Variants in AUTS2 observed in about 807,000 individuals in gnomAD.
AUTS2 encodes the protein autism susceptibility gene 2 protein.
AUTS2 carries 17 observed loss-of-function variants against 112.4 expected under a neutral mutation model. That is an observed-to-expected ratio of 0.15 (90% confidence interval 0.10 to 0.23). The LOEUF (loss-of-function observed/expected upper bound fraction) is 0.23, where lower values mean the gene tolerates loss of function less well. Ranked by LOEUF, AUTS2 falls within the 10% of genes least tolerant of loss-of-function variation. AUTS2 has a pLI of 1.00. For synonymous variants in AUTS2, 751 were observed against 702.7 expected (o/e 1.07, Z -1.09); for missense variants, 1,510 against 1,701.6 (o/e 0.89, Z 1.98).
chr7:70,710,376 C>T (rs188848036), intron 6 of AUTS2, among the ~76,000 whole-genome samples: 170 of 152,270 alleles, frequency 1.1e-3, no homozygotes, highest in African/African-American at 3.8e-3. Flanking sequence ...TGTAGATAAT[C>T]GAAAGAATGT....
At chr7:69,600,279 CAG>C (rs1352092295) in intron 1 of AUTS2, among the ~76,000 whole-genome samples, 6 of 152,206 alleles carry the variant, frequency 3.9e-5, no homozygotes, top group Middle Eastern at 3.4e-3. Flanking sequence ...CCCCTCTCCA[CAG>C]AGAGCTCTGC....
chr7:70,578,879 A>G (rs960077284), intron 5 of AUTS2, among the ~76,000 whole-genome samples: 2 of 150,102 alleles, frequency 1.3e-5, no homozygotes, highest in Non-Finnish European at 3.0e-5. Context: ...TGCCTAAGTT[A>G]TATTATCTTT....
At chr7:69,795,833 G>A (rs547489785) in intron 1 of AUTS2, among the ~76,000 whole-genome samples, 60 of 152,290 alleles carry the variant, frequency 3.9e-4, no homozygotes, top group African/African-American at 1.2e-3. Flanking sequence ...AAGAGCTAGC[G>A]CCAGAACAAG....
intron 4 of AUTS2, among the ~76,000 whole-genome samples, chr7:70,269,119 CTG>C (rs1313177169): frequency 1.3e-5 from 2 of 152,176 alleles, no homozygotes; most frequent in Non-Finnish European, 2.9e-5. Context: ...CTTTGAATCT[CTG>C]TGGCATCTTG....
At chr7:69,894,280 A>ATTTTTTTTT (rs1794654066) in intron 1 of AUTS2, among the ~76,000 whole-genome samples, 1 of 20,860 alleles carries the variant, frequency 4.8e-5, no homozygotes, top group African/African-American at 2.3e-4. Flanking sequence ...TTTTTTTTTA[A>ATTTTTTTTT]CAGATTTCTT....
chr7:69,648,493 CT>C (rs1369528761), intron 1 of AUTS2, among the ~76,000 whole-genome samples: 2 of 148,764 alleles, frequency 1.3e-5, no homozygotes, highest in African/African-American at 4.9e-5. Context: ...TAAAGTTGGT[CT>C]TTAAAATTTT....
At chr7:70,753,250 G>GATGCA (rs1446678701) in intron 6 of AUTS2, among the ~76,000 whole-genome samples, 3 of 152,140 alleles carry the variant, frequency 2.0e-5, no homozygotes, top group Non-Finnish European at 4.4e-5. Context: ...TGTTTTGGCA[G>GATGCA]ATGCAATGGC....
At chr7:70,092,061 G>A (rs1803948336) in intron 2 of AUTS2, among the ~76,000 whole-genome samples, 1 of 105,258 alleles carries the variant, frequency 9.5e-6, no homozygotes, top group Non-Finnish European at 2.0e-5. Context: ...GCCAGTTACA[G>A]GTCTGTGACT....
intron 5 of AUTS2, among the ~76,000 whole-genome samples, chr7:70,559,725 A>G (rs1801399612): frequency 1.3e-5 from 2 of 152,186 alleles, no homozygotes; most frequent in South Asian, 4.2e-4. Context: ...AAACTCAGCA[A>G]TGACATGAGC....
Position 70,435,266 on chromosome 7 carries a change from G to C in AUTS2, c.661-486G>C, listed in dbSNP as rs371858949. ...CAAAGTTCAAATGAGTGACTACAAC[G>C]CCCAGAGGTTTACCTCTTTTCCTGT... On this transcript the variant is annotated intron_variant, in intron 4 of 18. Coordinates refer to ENST00000342771, the MANE Select transcript of AUTS2 (RefSeq NM_015570.4). Among the ~76,000 whole-genome samples the C allele has an allele frequency of 1.5e-3, 223 of 152,320 alleles. 11 individuals carry two copies. In the South Asian group the frequency reaches 0.045, roughly 31 times the overall value.
rs973715046 is a variant in AUTS2 at position 70,677,053 on chromosome 7, C to G, written c.691-21516C>G. Reference sequence around the variant, plus strand: ...AATTCTCCTGCTATTCACCAGAGACCTCCTAAATCAGCGATCCACCTGTCT... The same window carrying G: ...AATTCTCCTGCTATTCACCAGAGACGTCCTAAATCAGCGATCCACCTGTCT... On this transcript the variant is annotated intron_variant, in intron 5 of 18. Coordinates refer to ENST00000342771, the MANE Select transcript of AUTS2 (RefSeq NM_015570.4). Among the ~76,000 whole-genome samples the G allele has an allele frequency of 1.1e-4, 16 of 152,158 alleles. 1 individual carries two copies. Among genetic ancestry groups the G allele is most frequent in the Non-Finnish European group, 7.3e-5 (5 of 68,034 alleles).
intron 5 of AUTS2, among the ~76,000 whole-genome samples, chr7:70,614,905 C>G (rs896457157): frequency 6.6e-6 from 1 of 152,182 alleles, no homozygotes; most frequent in African/African-American, 2.4e-5. Context: ...CTAACCTGCA[C>G]CAGCACCCCA....
chr7:70,379,317 A>G (rs1485805284), intron 4 of AUTS2, among the ~76,000 whole-genome samples: 1 of 152,234 alleles, frequency 6.6e-6, no homozygotes, highest in South Asian at 2.1e-4. Flanking sequence ...CCTGGCCAAC[A>G]TGGTGAAACC....
chr7:70,436,643 C>G (rs56374900), intron 5 of AUTS2: 1 of 152,170 alleles, frequency 6.6e-6, no homozygotes, highest in African/African-American at 2.4e-5. Flanking sequence ...TCCCTTCCCC[C>G]GTTTCTGGAT....
chr7:70,668,228 G>A (rs947662074), intron 5 of AUTS2, among the ~76,000 whole-genome samples: 1 of 152,308 alleles, frequency 6.6e-6, no homozygotes, highest in African/African-American at 2.4e-5. Context: ...ATCTGCCTGC[G>A]TCAGCCTCCC....
chr7:69,984,342 G>T (rs1402969160), intron 2 of AUTS2, among the ~76,000 whole-genome samples: 1 of 148,934 alleles, frequency 6.7e-6, no homozygotes, highest in Non-Finnish European at 1.5e-5. Context: ...AGGAGGTGGA[G>T]CTTGCAGTGA....
intron 5 of AUTS2, among the ~76,000 whole-genome samples, chr7:70,647,499 G>A (rs2129541345): frequency 6.6e-6 from 1 of 152,250 alleles, no homozygotes; most frequent in African/African-American, 2.4e-5. Flanking sequence ...ATCTTAACTT[G>A]GCCAGCTCTG....
intron 12 of AUTS2, 93 bp from the exon 13 acceptor site, chr7:70,775,264 A>G: frequency 5.3e-5 from 52 of 990,416 alleles, no homozygotes; most frequent in Middle Eastern, 2.1e-4. Flanking sequence ...TAACATTTTA[A>G]TTTCCCCTCC....
At chr7:70,101,002 C>T (rs1305915871) in intron 2 of AUTS2, among the ~76,000 whole-genome samples, 2 of 152,010 alleles carry the variant, frequency 1.3e-5, no homozygotes, top group African/African-American at 2.4e-5. Context: ...CTCTGCCTCC[C>T]GAGTAGCTGG....
Sources: gnomAD v4.1 joint callset for allele counts (sites outside exome capture counted in the v4.1 genomes callset) on GRCh38, gnomAD v4.1.1 for gene constraint, MANE v1.5 for transcripts, NCBI Gene and HGNC (gene_info 2026-07-23, HGNC 2026-07-21) for gene names.